INO80C: variants seen among roughly 807,000 people sequenced by gnomAD.
INO80C encodes the protein INO80 complex subunit C.
A neutral mutation model predicts 17.7 loss-of-function variants in INO80C; 17 were observed. The observed-to-expected ratio is 0.96, with a 90% CI of 0.66 to 1.44. The LOEUF is 1.44. Ranked by LOEUF, INO80C falls within the 40% of genes most tolerant of loss-of-function variation. INO80C has a pLI of 0.00. For missense variants in INO80C, 244 were observed against 245.0 expected (o/e 1.00, Z 0.03); for synonymous variants, 96 against 95.8 (o/e 1.00, Z -0.01).
At chr18:35,471,604 T>C (rs1342436581) in intron 4 of INO80C, among the ~76,000 whole-genome samples, 1 of 152,192 alleles carries the variant, frequency 6.6e-6, no homozygotes, top group East Asian at 1.9e-4. Flanking sequence ...CTATTTCTTT[T>C]TTTTTTAATT....
At chr18:35,497,482 C>G (rs1225027413) in intron 1 of INO80C, 2 of 1,321,114 alleles carry the variant, frequency 1.5e-6, no homozygotes, top group African/African-American at 1.5e-5. Context: ...TCTATTAATA[C>G]TAAGTCAGTA....
chr18:35,475,320 C>T (rs1181723889), intron 4 of INO80C, among the ~76,000 whole-genome samples: 4 of 152,146 alleles, frequency 2.6e-5, no homozygotes. Flanking sequence ...AAAAAACTGT[C>T]AGCCCAGACT....
At chr18:35,486,381 T>C (rs533178838) in intron 1 of INO80C, among the ~76,000 whole-genome samples, 5 of 152,166 alleles carry the variant, frequency 3.3e-5, no homozygotes, top group Admixed American at 6.5e-5. Flanking sequence ...TGACTGCTTA[T>C]GGGTAATGAG....
chr18:35,478,657 C>G (rs2045767230), intron 3 of INO80C, among the ~76,000 whole-genome samples: 1 of 152,134 alleles, frequency 6.6e-6, no homozygotes, highest in African/African-American at 2.4e-5. Flanking sequence ...ACTACATGGG[C>G]TGATGGTGAT....
intron 2 of INO80C, among the ~76,000 whole-genome samples, 175 bp from the exon 3 acceptor site, chr18:35,479,586 T>C (rs2045780795): frequency 6.6e-6 from 1 of 152,178 alleles, no homozygotes; most frequent in Non-Finnish European, 1.5e-5. Context: ...ATGTTAATCT[T>C]AGTTTAAAAA....
chr18:35,474,207 C>CTATATATATATATATATATATATATATA (rs58465669), intron 4 of INO80C, among the ~76,000 whole-genome samples: 1 of 58,046 alleles, frequency 1.7e-5, no homozygotes, highest in Non-Finnish European at 3.3e-5. Flanking sequence ...GTGTGTGTGT[C>CTATATATATATATATATATATATATATA]TATATATATA....
chr18:35,497,577 C>G (rs1567992116), intron 1 of INO80C, 142 bp downstream of exon 1: 6 of 1,424,178 alleles, frequency 4.2e-6, no homozygotes, highest in East Asian at 5.4e-5. Context: ...AGTAGTCATT[C>G]ACTCCGCGGG....
chr18:35,497,632 A>C, intron 1 of INO80C, 87 bp downstream of exon 1: 1 of 1,507,398 alleles, frequency 6.6e-7, no homozygotes, highest in South Asian at 1.3e-5. Context: ...GCAGCGCCCC[A>C]CATTACGCAC....
intron 4 of INO80C, 65 bp downstream of exon 4, chr18:35,478,217 G>T: frequency 3.3e-6 from 4 of 1,214,212 alleles, no homozygotes; most frequent in Non-Finnish European, 4.8e-6. Flanking sequence ...TTCAACACTT[G>T]TCTAATTAGA....
intron 1 of INO80C, among the ~76,000 whole-genome samples, chr18:35,488,593 T>TC (rs1470982422): frequency 2.6e-5 from 4 of 152,064 alleles, no homozygotes; most frequent in African/African-American, 9.7e-5. Context: ...AACCTTTTTT[T>TC]CCCACTAGGC....
intron 2 of INO80C, 67 bp from the exon 3 acceptor site, chr18:35,479,478 T>G: frequency 1.1e-6 from 1 of 927,444 alleles, no homozygotes; most frequent in Non-Finnish European, 1.8e-6. Flanking sequence ...ACATCTGACA[T>G]TTATGCCTAA....
chr18:35,481,292 G>C (rs1224872807), intron 1 of INO80C, among the ~76,000 whole-genome samples: 1 of 152,190 alleles, frequency 6.6e-6, no homozygotes, highest in African/African-American at 2.4e-5. Flanking sequence ...ACAAGCCAAA[G>C]TAAGAAACCA....
At chr18:35,490,526 T>C (rs998103763) in intron 1 of INO80C, among the ~76,000 whole-genome samples, 2 of 152,132 alleles carry the variant, frequency 1.3e-5, no homozygotes, top group Admixed American at 6.6e-5. Context: ...ATAAAGAATA[T>C]GACTACTGAT....
At chr18:35,491,503 T>C (rs567298338) in intron 1 of INO80C, among the ~76,000 whole-genome samples, 2 of 152,236 alleles carry the variant, frequency 1.3e-5, no homozygotes, top group Admixed American at 1.3e-4. Context: ...AGCCACATCA[T>C]ACCAGTGCTG....
chr18:35,470,304 T>C (rs539633227), intron 4 of INO80C, among the ~76,000 whole-genome samples: 6 of 152,328 alleles, frequency 3.9e-5, no homozygotes, highest in Non-Finnish European at 7.4e-5. Flanking sequence ...TGCTGTGTGT[T>C]AGGAAATGGG....
rs147941635 is a variant in INO80C, at chr18:35,477,797, TG to T, written c.447+484del. Among the ~76,000 whole-genome samples the T allele has an allele frequency of 4.9e-3, 754 of 152,324 alleles. 40 individuals carry two copies. In the East Asian group the frequency reaches 0.12, roughly 24 times the overall value. On this transcript the variant is annotated intron_variant, in intron 4 of 4. Transcript: ENST00000334598. ...AGGAAGATAGGCGGCCAGATCCACA[TG>T]GGACCACAGCAGAAAGGTGGGCTCC...
intron 1 of INO80C, among the ~76,000 whole-genome samples, chr18:35,489,802 C>T (rs1860933231): frequency 6.6e-6 from 1 of 152,118 alleles, no homozygotes; most frequent in Non-Finnish European, 1.5e-5. Flanking sequence ...GGAATGATCT[C>T]TCCTCACTAC....
At chr18:35,486,339 G>T (rs576382415) in intron 1 of INO80C, among the ~76,000 whole-genome samples, 2 of 152,202 alleles carry the variant, frequency 1.3e-5, no homozygotes, top group African/African-American at 4.8e-5. Flanking sequence ...ATCAGTGGTT[G>T]CCAGGGGCTG....
At chr18:35,486,790 A>T (rs1004602718) in intron 1 of INO80C, among the ~76,000 whole-genome samples, 744 of 150,250 alleles carry the variant, frequency 5.0e-3, no homozygotes, top group Middle Eastern at 0.014. Flanking sequence ...ATTTCTTAAA[A>T]AAAAAAAAAA....
Sources: allele counts gnomAD v4.1 joint callset (sites outside exome capture counted in the v4.1 genomes callset), GRCh38; gene constraint gnomAD v4.1.1; transcripts MANE v1.5; gene names NCBI Gene and HGNC (gene_info 2026-07-23, HGNC 2026-07-21).